STK32A: variants seen among roughly 807,000 people sequenced by gnomAD.
The protein encoded by STK32A is serine/threonine kinase 32A, also known as serine/threonine-protein kinase 32A.
Under a neutral mutation model 53.2 loss-of-function variants are expected in STK32A, and 41 were observed. The observed-to-expected ratio is 0.77, with a 90% confidence interval of 0.60 to 1.00. The LOEUF (loss-of-function observed/expected upper bound fraction) is 1.00, where lower values mean the gene tolerates loss of function less well. Ranked by LOEUF, STK32A falls within the 50% of genes least tolerant of loss-of-function variation. The probability of loss-of-function intolerance (pLI) is 0.00; values close to 1 mark genes in which losing one functional copy is unlikely to be tolerated. For synonymous variants in STK32A, 166 were observed against 162.8 expected (o/e 1.02, Z -0.15); for missense variants, 458 against 485.8 (o/e 0.94, Z 0.54).
At chr5:147,338,965 T>G (rs185232741) in intron 5 of STK32A, among the ~76,000 whole-genome samples, 43 of 152,268 alleles carry the variant, frequency 2.8e-4, no homozygotes, top group African/African-American at 9.1e-4. Flanking sequence ...TTCAGAAAAT[T>G]TATAGCCTGA....
At chr5:147,283,167 A>G (rs1752147439) in intron 4 of STK32A, among the ~76,000 whole-genome samples, 1 of 152,260 alleles carries the variant, frequency 6.6e-6, no homozygotes, top group African/African-American at 2.4e-5. Context: ...AAATACATGG[A>G]AATTAAATAA....
intron 5 of STK32A, among the ~76,000 whole-genome samples, chr5:147,328,383 C>T (rs1204985372): frequency 6.6e-6 from 1 of 152,172 alleles, no homozygotes; most frequent in African/African-American, 2.4e-5. Flanking sequence ...GTTTAAAAAT[C>T]CATGGACTTG....
intron 11 of STK32A, 55 bp from the exon 12 acceptor site, chr5:147,383,386 A>C: frequency 6.9e-7 from 1 of 1,444,062 alleles, no homozygotes; most frequent in Non-Finnish European, 9.5e-7. Flanking sequence ...CTGTTTGAAG[A>C]TTCTCATTTG....
At chr5:147,294,145 T>C (rs1752743711) in intron 4 of STK32A, among the ~76,000 whole-genome samples, 1 of 152,242 alleles carries the variant, frequency 6.6e-6, no homozygotes, top group South Asian at 2.1e-4. Flanking sequence ...AATGTTCACT[T>C]TTTAGAAAAA....
intron 10 of STK32A, 22 bp from the exon 11 acceptor site, chr5:147,375,068 G>T: frequency 6.3e-7 from 1 of 1,586,420 alleles, no homozygotes; most frequent in South Asian, 1.2e-5. Context: ...TCTGAGGATT[G>T]AGCCAACTGT....
chr5:147,320,394 A>G (rs951825976), intron 4 of STK32A, among the ~76,000 whole-genome samples: 3 of 152,200 alleles, frequency 2.0e-5, no homozygotes, highest in Non-Finnish European at 4.4e-5. Context: ...GAGCATTTAC[A>G]TAAGACCCAC....
chr5:147,276,407 C>T lies in STK32A; in HGVS notation c.53-1717C>T, dbSNP rs563460593. 7.2e-5 allele frequency among the ~76,000 whole-genome samples: 11 copies of T among 152,232 alleles called. No individual in the cohort carries two copies. In the South Asian group the frequency reaches 2.3e-3, roughly 32 times the overall value. On this transcript the variant is annotated intron_variant, in intron 2 of 12. Transcript: ENST00000397936. Reference sequence around the variant, plus strand: ...ATTCTATTTAATTAAATTTTTAGTACTTCTTATTTTAGCTACATTTATTTC... The same window carrying T: ...ATTCTATTTAATTAAATTTTTAGTATTTCTTATTTTAGCTACATTTATTTC...
At chr5:147,255,582 CCTTT>C (rs1478613567) in intron 2 of STK32A, among the ~76,000 whole-genome samples, 4 of 152,166 alleles carry the variant, frequency 2.6e-5, no homozygotes, top group African/African-American at 9.7e-5. Flanking sequence ...CCATGCAGTG[CCTTT>C]CTAATACTTC....
At chr5:147,372,067 T>C (rs985271425) in intron 9 of STK32A, among the ~76,000 whole-genome samples, 7 of 152,088 alleles carry the variant, frequency 4.6e-5, no homozygotes, top group African/African-American at 1.7e-4. Context: ...TGTGTTACCA[T>C]TGTATTCTCA....
chr5:147,346,516 C>A (rs918798), intron 6 of STK32A, among the ~76,000 whole-genome samples: 35,831 of 152,162 alleles, frequency 0.24, 5,477 homozygotes, highest in African/African-American at 0.43. Context: ...GCCAATTGTA[C>A]AATGGGAAAT....
intron 2 of STK32A, among the ~76,000 whole-genome samples, chr5:147,249,912 A>G (rs1243029840): frequency 6.7e-6 from 1 of 149,668 alleles, no homozygotes; most frequent in African/African-American, 2.5e-5. Context: ...CTGTCTCAAA[A>G]AAAAAAAAAA....
chr5:147,395,968 C>T, the STK32A span, among the ~76,000 whole-genome samples: 48 of 152,058 alleles, frequency 3.2e-4, no homozygotes, highest in Non-Finnish European at 5.9e-4. Flanking sequence ...GATCAAAGGA[C>T]GTTGCTATGG....
intron 2 of STK32A, among the ~76,000 whole-genome samples, chr5:147,259,363 C>A (rs1754389689): frequency 6.6e-6 from 1 of 151,992 alleles, no homozygotes; most frequent in Non-Finnish European, 1.5e-5. Flanking sequence ...TGAATGTATT[C>A]GGGCCATCCG....
At chr5:147,242,643 C>T (rs113878514) in intron 2 of STK32A, among the ~76,000 whole-genome samples, 3 of 152,102 alleles carry the variant, frequency 2.0e-5, no homozygotes, top group Non-Finnish European at 4.4e-5. Flanking sequence ...AAAACAAGTC[C>T]AAAATCCAAA....
chr5:147,369,409 TG>T (rs1424030430), intron 8 of STK32A, among the ~76,000 whole-genome samples: 2 of 152,180 alleles, frequency 1.3e-5, no homozygotes, highest in Non-Finnish European at 2.9e-5. Context: ...TTTACCTTTG[TG>T]TCAATAATGA....
chr5:147,326,689 T>C (rs1359641130), intron 5 of STK32A, among the ~76,000 whole-genome samples: 2 of 152,176 alleles, frequency 1.3e-5, no homozygotes, highest in Non-Finnish European at 2.9e-5. Flanking sequence ...GGACATTAAA[T>C]CCAAAGGCCT....
intron 4 of STK32A, among the ~76,000 whole-genome samples, chr5:147,294,374 G>C (rs964550056): frequency 3.9e-5 from 6 of 152,022 alleles, no homozygotes; most frequent in Non-Finnish European, 1.5e-5. Flanking sequence ...CAATTCTTCT[G>C]CCTCAGCCTC....
At chr5:147,278,254 C>A in intron 3 of STK32A, 75 bp downstream of exon 3, 1 of 1,229,272 alleles carries the variant, frequency 8.1e-7, no homozygotes, top group Non-Finnish European at 1.2e-6. Flanking sequence ...GAAATGTTCA[C>A]ATTATTGAGT....
At chr5:147,359,562 A>G (rs1247304186) in intron 7 of STK32A, among the ~76,000 whole-genome samples, 1 of 152,178 alleles carries the variant, frequency 6.6e-6, no homozygotes, top group African/African-American at 2.4e-5. Context: ...GGCTCTGATT[A>G]TCCCTCAAAG....
Sources: gnomAD v4.1 joint callset for allele counts (sites outside exome capture counted in the v4.1 genomes callset) on GRCh38, gnomAD v4.1.1 for gene constraint, MANE v1.5 for transcripts, NCBI Gene and HGNC (gene_info 2026-07-23, HGNC 2026-07-21) for gene names.